Variants in UGT2A1 observed in about 807,000 individuals in gnomAD.
The protein encoded by UGT2A1 is UDP-glucuronosyltransferase 2A1.
UGT2A1 carries 61 observed loss-of-function variants against 45.4 expected under a neutral mutation model. The observed-to-expected ratio is 1.34, with a 90% CI of 1.09 to 1.66. UGT2A1 has a LOEUF of 1.66. UGT2A1 is among the 40% of genes most tolerant of loss of function. The probability of loss-of-function intolerance (pLI) is 0.00; values close to 1 mark genes in which losing one functional copy is unlikely to be tolerated. For missense variants in UGT2A1, 649 were observed against 574.3 expected, an observed-to-expected ratio of 1.13 and a Z score of -1.33; for synonymous variants, 229 against 196.2, an observed-to-expected ratio of 1.17 and a Z score of -1.40.
intron 2 of UGT2A1, among the ~76,000 whole-genome samples, chr4:69,636,119 C>G (rs1252859633): frequency 6.6e-6 from 1 of 152,074 alleles, no homozygotes; most frequent in Admixed American, 6.6e-5. Flanking sequence ...TGTACTTATT[C>G]TGATGTCCTT....
At chr4:69,599,076 CA>C (rs1484840074) in intron 4 of UGT2A1, among the ~76,000 whole-genome samples, 169 bp downstream of exon 4, 1 of 152,010 alleles carries the variant, frequency 6.6e-6, no homozygotes, top group African/African-American at 2.4e-5. Context: ...ATGTAAAGTT[CA>C]AAACACCTAA....
At chr4:69,620,384 C>T (rs1298727484) in intron 3 of UGT2A1, among the ~76,000 whole-genome samples, 1 of 131,666 alleles carries the variant, frequency 7.6e-6, no homozygotes, top group Non-Finnish European at 1.7e-5. Context: ...TTCACAATTG[C>T]TAAAAAAGAA....
intron 3 of UGT2A1, among the ~76,000 whole-genome samples, chr4:69,612,020 T>C (rs532740434): frequency 7.2e-5 from 11 of 152,192 alleles, no homozygotes; most frequent in African/African-American, 2.2e-4. Flanking sequence ...AGAATTAACA[T>C]AGTCAGCACT....
At chr4:69,638,910 C>G (rs1349674961) in intron 2 of UGT2A1, 1 of 1,582,324 alleles carries the variant, frequency 6.3e-7, no homozygotes, top group Non-Finnish European at 8.6e-7. Flanking sequence ...TAAAATTTTG[C>G]TATAGTATGA....
At chr4:69,625,714 A>C (rs2109944949) in intron 3 of UGT2A1, among the ~76,000 whole-genome samples, 1 of 151,592 alleles carries the variant, frequency 6.6e-6, no homozygotes, top group South Asian at 2.1e-4. Flanking sequence ...GTAAATTTAA[A>C]ATTTACATAC....
At chr4:69,610,493 T>C (rs928943023) in intron 3 of UGT2A1, among the ~76,000 whole-genome samples, 2 of 152,188 alleles carry the variant, frequency 1.3e-5, no homozygotes, top group African/African-American at 4.8e-5. Flanking sequence ...ATTAATATTA[T>C]GCACCCTTTA....
rs1013250534 is a variant in UGT2A1 at position 69,589,258 on chromosome 4, A to G, written c.*114T>C. The G allele has an allele frequency of 7.6e-7, 1 of 1,315,680 alleles. No individual in the cohort carries two copies. The highest frequency in any genetic ancestry group is 2.6e-5 in the East Asian group (1 of 39,038). 81.5% of individuals were successfully genotyped at this position (1,315,680 alleles called of 1,614,324 possible). A position where few individuals can be genotyped will look rare whatever the true frequency, so the allele number is the denominator to read the frequency against. On this transcript the variant is annotated 3_prime_UTR_variant, in exon 7 of 7. Transcript: ENST00000286604. ...GCAGGTAGAGAAATAGAAAATTTGGAAACAGGATGGGAGACGTGTTTTTGT... is the reference window on the plus strand; with the variant it reads ...GCAGGTAGAGAAATAGAAAATTTGGGAACAGGATGGGAGACGTGTTTTTGT...
chr4:69,632,662 G>A (rs1721451054), intron 3 of UGT2A1, among the ~76,000 whole-genome samples: 1 of 151,900 alleles, frequency 6.6e-6, no homozygotes, highest in Admixed American at 6.6e-5. Context: ...GGCAGAGGCG[G>A]GCAGATCACA....
intron 3 of UGT2A1, among the ~76,000 whole-genome samples, chr4:69,612,419 C>G (rs943678981): frequency 6.6e-6 from 1 of 151,734 alleles, no homozygotes; most frequent in Non-Finnish European, 1.5e-5. Flanking sequence ...TATATGGAAC[C>G]AAAATAAAGT....
At chr4:69,622,275 T>C (rs902264604) in intron 3 of UGT2A1, among the ~76,000 whole-genome samples, 2 of 139,052 alleles carry the variant, frequency 1.4e-5, no homozygotes, top group African/African-American at 4.9e-5. Context: ...AACAAAGTAA[T>C]AATATAATGT....
At chr4:69,620,737 A>T (rs2109935488) in intron 3 of UGT2A1, among the ~76,000 whole-genome samples, 1 of 152,058 alleles carries the variant, frequency 6.6e-6, no homozygotes, top group East Asian at 1.9e-4. Flanking sequence ...TCCAACTTTA[A>T]ACTATACTAC....
intron 2 of UGT2A1, among the ~76,000 whole-genome samples, chr4:69,641,047 T>A (rs907814561): frequency 1.6e-4 from 24 of 151,814 alleles, no homozygotes; most frequent in African/African-American, 5.8e-4. Context: ...AAATATTGAG[T>A]TACATGTAAG....
intron 6 of UGT2A1, among the ~76,000 whole-genome samples, chr4:69,593,918 T>C (rs1389957022): frequency 6.6e-6 from 1 of 151,480 alleles, no homozygotes; most frequent in East Asian, 1.9e-4. Context: ...AGAATTTATA[T>C]AATCATAGCA....
chr4:69,607,150 A>G (rs1325491339), intron 3 of UGT2A1, among the ~76,000 whole-genome samples: 3 of 148,070 alleles, frequency 2.0e-5, no homozygotes, highest in African/African-American at 7.7e-5. Flanking sequence ...GAGGCATCAC[A>G]CTACCTGACT....
chr4:69,607,816 A>C (rs1719749599), intron 3 of UGT2A1, among the ~76,000 whole-genome samples: 1 of 152,246 alleles, frequency 6.6e-6, no homozygotes, highest in South Asian at 2.1e-4. Flanking sequence ...GACACATGAA[A>C]AAATGCTCAT....
At position 69,589,508 on chromosome 4, in the gene UGT2A1, C is replaced by T; in HGVS notation, c.1448G>A (p.Trp483Ter). Reference protein sequence around the residue: ...HLRVAAHDLTWFQYHSLDVIG... With the variant: ...HLRVAAHDLT ...TACATCCAAAGAGTGGTACTGGAAC[C>T]AGGTGAGGTCATGGGCTGCAACCCG... The change falls in exon 7 of 7, where the codon TGG becomes TAG. Residue 483 changes from tryptophan to a stop codon, truncating the protein, a stop_gained. Coordinates refer to ENST00000286604, the MANE Select transcript of UGT2A1 (RefSeq NM_001252275.3). LOFTEE classifies it high-confidence loss of function. 2 of 1,614,056 alleles carry T rather than the reference C, an allele frequency of 1.2e-6. No individual in the cohort carries two copies. The highest frequency in any genetic ancestry group is 1.7e-6 in the Non-Finnish European group (2 of 1,179,998).
intron 3 of UGT2A1, among the ~76,000 whole-genome samples, chr4:69,629,679 C>A (rs1410282556): frequency 2.0e-5 from 3 of 152,034 alleles, no homozygotes; most frequent in East Asian, 3.9e-4. Context: ...TTAAATAAAT[C>A]CTGTACAACT....
chr4:69,596,977 A>G (rs1436543940), intron 4 of UGT2A1, among the ~76,000 whole-genome samples: 1 of 152,220 alleles, frequency 6.6e-6, no homozygotes, highest in African/African-American at 2.4e-5. Flanking sequence ...TGTTACCCCC[A>G]AGGCTTAATT....
chr4:69,647,545 G>A lies in UGT2A1; in HGVS notation c.100C>T (p.Leu34=). 6.2e-7 allele frequency: 1 copy of A among 1,612,556 alleles called. No individual in the cohort carries two copies. The highest frequency in any genetic ancestry group is 1.3e-5 in the African/African-American group (1 of 74,944). Reference sequence around the variant, plus strand: ...TCATCTATAATTATCTTAACATTTAGCCAATGACTACCTTCCATTGGCCAA... The same window carrying A: ...TCATCTATAATTATCTTAACATTTAACCAATGACTACCTTCCATTGGCCAA... ...LIWPMEGSHW[L]NVKIIIDELI... The change falls in exon 2 of 7, where the codon CTA becomes TTA. Residue 34 remains leucine, a synonymous_variant. Coordinates refer to ENST00000286604, the MANE Select transcript of UGT2A1 (RefSeq NM_001252275.3).
Sources: allele counts gnomAD v4.1 joint callset (sites outside exome capture counted in the v4.1 genomes callset), GRCh38; gene constraint gnomAD v4.1.1; transcripts MANE v1.5; gene names NCBI Gene and HGNC (gene_info 2026-07-23, HGNC 2026-07-21).